Variants in PTPRZ1 observed in about 807,000 individuals in gnomAD.
PTPRZ1 encodes protein tyrosine phosphatase receptor type Z1.
A neutral mutation model predicts 214.1 loss-of-function variants in PTPRZ1; 82 were observed. The observed-to-expected ratio is 0.38, with a 90% CI of 0.32 to 0.46. The LOEUF is 0.46. Ranked by LOEUF, PTPRZ1 falls within the 20% of genes least tolerant of loss-of-function variation. PTPRZ1 has a pLI of 1.00. For synonymous variants in PTPRZ1, 945 were observed against 987.9 expected (o/e 0.96, Z 0.81); for missense variants, 2,603 against 2,748.7 (o/e 0.95, Z 1.19).
intron 2 of PTPRZ1, among the ~76,000 whole-genome samples, chr7:121,960,629 A>G (rs1796845961): frequency 6.6e-6 from 1 of 152,196 alleles, no homozygotes; most frequent in Non-Finnish European, 1.5e-5. Context: ...AAGACTCAAC[A>G]AGAACAATGC....
rs1341143811 is a variant in PTPRZ1, at chr7:121,873,245, C to T, written c.-255C>T. 5 of 442,770 alleles carry T rather than the reference C, an allele frequency of 1.1e-5. No homozygotes were observed. The highest frequency in any genetic ancestry group is 3.8e-5 in the Admixed American group (1 of 26,158). The allele number at this position is 442,770 out of a possible 1,614,324, so 27.4% of individuals were successfully genotyped here. ...CCTCGGCTAGCGGCCCCGGGCCCCA[C>T]CACCGTGCGGCTTTCTCCAGATTAT... On this transcript the variant is annotated 5_prime_UTR_variant, in exon 1 of 30. Transcript: ENST00000393386.
chr7:122,021,779 A>G (rs1338266200), intron 13 of PTPRZ1, among the ~76,000 whole-genome samples: 1 of 152,120 alleles, frequency 6.6e-6, no homozygotes, highest in Non-Finnish European at 1.5e-5. Flanking sequence ...TATATGTTTT[A>G]TATCTATTAA....
At position 121,873,299 on chromosome 7, in the gene PTPRZ1, C is replaced by G; in HGVS notation, c.-201C>G. 3 of 530,370 alleles carry G rather than the reference C, an allele frequency of 5.7e-6. No homozygotes were observed. Among genetic ancestry groups the G allele is most frequent in the Admixed American group, 6.3e-5 (2 of 31,984 alleles). The allele number at this position is 530,370 out of a possible 1,614,324, so 32.9% of individuals were successfully genotyped here. ...TCTCTCGCTGTCTCTGACTGTCTCT[C>G]TCTGTCTCTGTCTCTGTCTCTCTCT... is the stretch of plus-strand genomic sequence containing the variant. On this transcript the variant is annotated 5_prime_UTR_variant, in exon 1 of 30. Coordinates refer to ENST00000393386, the MANE Select transcript of PTPRZ1 (RefSeq NM_002851.3).
At chr7:122,052,946 T>C (rs1358120156) in intron 25 of PTPRZ1, among the ~76,000 whole-genome samples, 1 of 152,164 alleles carries the variant, frequency 6.6e-6, no homozygotes, top group Non-Finnish European at 1.5e-5. Context: ...GCTTAGCTGA[T>C]AGCTACCATT....
chr7:121,891,909 C>T (rs976729559), intron 1 of PTPRZ1, among the ~76,000 whole-genome samples: 7 of 152,108 alleles, frequency 4.6e-5, no homozygotes, highest in Non-Finnish European at 2.9e-5. Context: ...TGCATTACCA[C>T]CCACCACCAG....
Position 122,011,036 on chromosome 7 carries a change from C to T in PTPRZ1, c.1990C>T (p.Pro664Ser), listed in dbSNP as rs1476260116. 8.7e-6 allele frequency: 14 copies of T among 1,613,970 alleles called. No homozygotes were observed. The highest frequency in any genetic ancestry group is 1.2e-5 in the Non-Finnish European group (14 of 1,180,008). Reference sequence around the variant, plus strand: ...TAGCTCTACAGACATAACAGCACAGCCCGATGTTGGATCAGGCAGAGAGAG... The same window carrying T: ...TAGCTCTACAGACATAACAGCACAGTCCGATGTTGGATCAGGCAGAGAGAG... ...FPSSTDITAQ[P>S]DVGSGRESFL... Residue 664 changes from proline (P) to serine (S), a missense_variant, in exon 12 of 30, where the codon CCC (proline) becomes TCC (serine). Coordinates refer to ENST00000393386, the MANE Select transcript of PTPRZ1 (RefSeq NM_002851.3).
At chr7:121,906,334 G>A (rs1795114727) in intron 1 of PTPRZ1, among the ~76,000 whole-genome samples, 1 of 152,080 alleles carries the variant, frequency 6.6e-6, no homozygotes, top group African/African-American at 2.4e-5. Context: ...GGTGTGTATT[G>A]CTCACTCTCT....
intron 1 of PTPRZ1, among the ~76,000 whole-genome samples, chr7:121,915,770 A>T (rs1795406872): frequency 6.6e-6 from 1 of 152,222 alleles, no homozygotes; most frequent in African/African-American, 2.4e-5. Flanking sequence ...CTTCAGAAAG[A>T]TATGATCACT....
At chr7:121,988,176 AAAAT>A (rs1287736659) in intron 8 of PTPRZ1, among the ~76,000 whole-genome samples, 1 of 152,222 alleles carries the variant, frequency 6.6e-6, no homozygotes, top group Non-Finnish European at 1.5e-5. Context: ...AGTTGAAGTA[AAAAT>A]AAATAAATAC....
intron 26 of PTPRZ1, among the ~76,000 whole-genome samples, chr7:122,054,391 AAGG>A (rs1254353288): frequency 2.0e-5 from 3 of 152,128 alleles, no homozygotes; most frequent in African/African-American, 7.2e-5. Context: ...CCCTGAGTTT[AAGG>A]AGGTCTCTAA....
chr7:121,921,961 T>A (rs1323860524), intron 1 of PTPRZ1, among the ~76,000 whole-genome samples: 1 of 152,202 alleles, frequency 6.6e-6, no homozygotes, highest in Non-Finnish European at 1.5e-5. Context: ...AAAGTTTAAA[T>A]TCCAGATGGG....
At chr7:121,981,075 G>A (rs1278533281) in intron 6 of PTPRZ1, among the ~76,000 whole-genome samples, 3 of 151,802 alleles carry the variant, frequency 2.0e-5, no homozygotes, top group Non-Finnish European at 2.9e-5. Flanking sequence ...CCTGGGGGGC[G>A]GAGCCTGCAG....
At chr7:121,962,239 G>A (rs1362768492) in intron 2 of PTPRZ1, among the ~76,000 whole-genome samples, 2 of 152,008 alleles carry the variant, frequency 1.3e-5, no homozygotes, top group Non-Finnish European at 2.9e-5. Context: ...ACAAGGTCAG[G>A]AGTTCAAGAC....
At chr7:121,920,428 C>T (rs778911935) in intron 1 of PTPRZ1, among the ~76,000 whole-genome samples, 9 of 152,012 alleles carry the variant, frequency 5.9e-5, no homozygotes, top group Non-Finnish European at 1.0e-4. Flanking sequence ...TTTTCTTACA[C>T]AGATTGGGTT....
At chr7:121,905,822 C>T (rs1416718540) in intron 1 of PTPRZ1, among the ~76,000 whole-genome samples, 1 of 152,138 alleles carries the variant, frequency 6.6e-6, no homozygotes, top group Admixed American at 6.5e-5. Context: ...TGATAGATCA[C>T]CTGGTCATTT....
rs539507678 is a variant in PTPRZ1 at position 122,016,866 on chromosome 7, C to T, written c.4844-2258C>T. Among the ~76,000 whole-genome samples, 91 of 152,020 alleles carry T rather than the reference C, an allele frequency of 6.0e-4. 2 individuals carry two copies. The highest frequency in any genetic ancestry group is 3.1e-4 in the Non-Finnish European group (21 of 67,998). ...ACTTCGTACATATATTAATCTACAT[C>T]ACTGGTTCTCAAACTTTAACATAGA... On this transcript the variant is annotated intron_variant, in intron 12 of 29. Coordinates refer to ENST00000393386, the MANE Select transcript of PTPRZ1 (RefSeq NM_002851.3).
intron 1 of PTPRZ1, among the ~76,000 whole-genome samples, chr7:121,905,103 A>T (rs566199896): frequency 3.9e-5 from 6 of 152,308 alleles, no homozygotes; most frequent in African/African-American, 1.2e-4. Context: ...ATGCTTTCAT[A>T]TTTATTTTGC....
Position 121,997,823 on chromosome 7 carries a change from T to C in PTPRZ1, c.1114-57T>C, listed in dbSNP as rs1186455436. On this transcript the variant is annotated intron_variant, in intron 9 of 29. Transcript: ENST00000393386. ...AAAGTTTTCTAGGAAAGATACCTAG[T>C]GTGTTGGTAGTCCTATGAGAATAAC... 4.8e-6 allele frequency: 7 copies of C among 1,472,800 alleles called. No individual in the cohort carries two copies. In the Admixed American group the frequency reaches 8.4e-5, roughly 18 times the overall value. The allele number at this position is 1,472,800 out of a possible 1,614,324, so 91.2% of individuals were successfully genotyped here.
intron 22 of PTPRZ1, 136 bp from the exon 23 acceptor site, chr7:122,044,286 T>C: frequency 4.1e-6 from 4 of 981,386 alleles, no homozygotes; most frequent in Non-Finnish European, 1.5e-6. Flanking sequence ...CTTCCAGGTT[T>C]TGTAAGCAAT....
Sources: allele counts gnomAD v4.1 joint callset (sites outside exome capture counted in the v4.1 genomes callset), GRCh38; gene constraint gnomAD v4.1.1; transcripts MANE v1.5; gene names NCBI Gene and HGNC (gene_info 2026-07-23, HGNC 2026-07-21).